RAB7A: variants seen among roughly 807,000 people sequenced by gnomAD.
RAB7A encodes RAB7A, member RAS oncogene family.
A neutral mutation model predicts 24.5 loss-of-function variants in RAB7A; 2 were observed. The observed-to-expected ratio is 0.08, with a 90% CI of 0.03 to 0.26. The LOEUF is 0.26. Ranked by LOEUF, RAB7A falls within the 10% of genes least tolerant of loss-of-function variation. The pLI is 1.00. For synonymous variants in RAB7A, 100 were observed against 95.9 expected (o/e 1.04, Z -0.25); for missense variants, 118 against 255.7 (o/e 0.46, Z 3.67).
chr3:128,760,557 G>C (rs1156776815), intron 1 of RAB7A, among the ~76,000 whole-genome samples: 2 of 152,186 alleles, frequency 1.3e-5, no homozygotes, highest in African/African-American at 4.8e-5. Flanking sequence ...GCTGGTTTGT[G>C]AGTACCCCTT....
intron 1 of RAB7A, among the ~76,000 whole-genome samples, chr3:128,763,208 A>ATATATATATATATTTTTTT (rs373993932): frequency 2.6e-5 from 2 of 76,108 alleles, no homozygotes; most frequent in African/African-American, 8.2e-5. Flanking sequence ...ATATATATAT[A>ATATATATATATATTTTTTT]TTTTTTTTTT....
chr3:128,791,579 A>T (rs1933453219), intron 1 of RAB7A, among the ~76,000 whole-genome samples: 1 of 152,218 alleles, frequency 6.6e-6, no homozygotes. Context: ...GATAAGGCAG[A>T]ACATAACATT....
At position 128,807,398 on chromosome 3, in the gene RAB7A, G is replaced by A. The variant is rs111829798; in HGVS notation, c.400-145G>A. On this transcript the variant is annotated intron_variant, in intron 4 of 5. Transcript: ENST00000265062. ...AGGACAAGTTTGGACGGGTCTGCAG[G>A]TCTCCTCCAACACCCTCTTTCCCCA... 8.2e-6 allele frequency: 10 copies of A among 1,215,682 alleles called. No individual in the cohort carries two copies. The African/African-American group carries it at 8.9e-5, about 11-fold the overall frequency. 75.3% of individuals were successfully genotyped at this position (1,215,682 alleles called of 1,614,324 possible). A position where few individuals can be genotyped will look rare whatever the true frequency, so the allele number is the denominator to read the frequency against.
At chr3:128,811,571 C>T (rs924473199) in intron 5 of RAB7A, among the ~76,000 whole-genome samples, 4 of 152,146 alleles carry the variant, frequency 2.6e-5, no homozygotes, top group East Asian at 1.9e-4. Context: ...ATGTCCAGCC[C>T]GGATGCAGTG....
intron 1 of RAB7A, among the ~76,000 whole-genome samples, chr3:128,771,658 AACTTTT>A (rs1932936775): frequency 6.6e-6 from 1 of 152,250 alleles, no homozygotes; most frequent in Admixed American, 6.5e-5. Flanking sequence ...CAGATAACTG[AACTTTT>A]ACTTGTACAG....
intron 1 of RAB7A, chr3:128,764,360 T>A: frequency 1.6e-6 from 1 of 628,444 alleles, no homozygotes; most frequent in Non-Finnish European, 2.9e-6. Context: ...CTTAAGTGGA[T>A]GTTTTGGCAC....
chr3:128,745,845 C>G (rs955414926), intron 1 of RAB7A, among the ~76,000 whole-genome samples: 1 of 152,220 alleles, frequency 6.6e-6, no homozygotes, highest in Non-Finnish European at 1.5e-5. Flanking sequence ...GAATCCCATG[C>G]AGAGACTTTG....
intron 1 of RAB7A, among the ~76,000 whole-genome samples, chr3:128,773,939 A>G (rs1933016981): frequency 6.6e-6 from 1 of 151,618 alleles, no homozygotes; most frequent in African/African-American, 2.4e-5. Context: ...GGACACAAAC[A>G]CTGCGGAAGG....
chr3:128,783,348 T>TG (rs1301000712), intron 1 of RAB7A, among the ~76,000 whole-genome samples: 1 of 151,960 alleles, frequency 6.6e-6, no homozygotes, highest in Non-Finnish European at 1.5e-5. Flanking sequence ...CAGGTGCTCT[T>TG]GCGTTTGAGG....
intron 1 of RAB7A, among the ~76,000 whole-genome samples, chr3:128,784,418 G>T (rs1281969886): frequency 1.3e-5 from 2 of 152,100 alleles, no homozygotes; most frequent in Non-Finnish European, 2.9e-5. Flanking sequence ...CACTGGTCTA[G>T]TGCAGTCCTC....
chr3:128,811,819 A>T (rs572519094), intron 5 of RAB7A, among the ~76,000 whole-genome samples: 108 of 152,048 alleles, frequency 7.1e-4, no homozygotes, highest in Admixed American at 1.5e-3. Context: ...ATTGCACTCC[A>T]GCCTGGGCGA....
chr3:128,773,103 A>C (rs1177017631), intron 1 of RAB7A, among the ~76,000 whole-genome samples: 1 of 150,420 alleles, frequency 6.6e-6, no homozygotes, highest in Non-Finnish European at 1.5e-5. Flanking sequence ...CTGGGAAGTG[A>C]GGAGCGCCTC....
At chr3:128,736,047 C>T (rs1321747972) in intron 1 of RAB7A, among the ~76,000 whole-genome samples, 1 of 152,212 alleles carries the variant, frequency 6.6e-6, no homozygotes, top group Non-Finnish European at 1.5e-5. Context: ...CCTTTTCCCT[C>T]CCAGCAGGAA....
At chr3:128,781,534 G>A (rs1416064439) in intron 1 of RAB7A, among the ~76,000 whole-genome samples, 1 of 152,026 alleles carries the variant, frequency 6.6e-6, no homozygotes, top group Non-Finnish European at 1.5e-5. Flanking sequence ...AGAAAAGCTG[G>A]GCATGGTGGC....
At chr3:128,799,477 A>G (rs550413793) in intron 3 of RAB7A, among the ~76,000 whole-genome samples, 1 of 152,290 alleles carries the variant, frequency 6.6e-6, no homozygotes, top group Non-Finnish European at 1.5e-5. Flanking sequence ...GTACCTGGCA[A>G]ATAGTGGGGG....
chr3:128,732,660 C>G (rs554967971), intron 1 of RAB7A, among the ~76,000 whole-genome samples: 81 of 152,084 alleles, frequency 5.3e-4, no homozygotes, highest in Admixed American at 7.9e-4. Context: ...AAGACTCCAT[C>G]TCTACAAAGA....
chr3:128,812,303 C>G (rs113813251), intron 5 of RAB7A, among the ~76,000 whole-genome samples: 1 of 152,112 alleles, frequency 6.6e-6, no homozygotes, highest in East Asian at 1.9e-4. Flanking sequence ...TTAGTAGAGA[C>G]GGGGTTTCAC....
chr3:128,748,422 C>A (rs559639960), intron 1 of RAB7A: 3 of 152,264 alleles, frequency 2.0e-5, no homozygotes, highest in Non-Finnish European at 2.9e-5. Context: ...AGCTTAGACT[C>A]CTCCTCTTTG....
chr3:128,752,409 TAAAAA>T (rs973166973), intron 1 of RAB7A, among the ~76,000 whole-genome samples: 6 of 129,626 alleles, frequency 4.6e-5, no homozygotes, highest in Non-Finnish European at 1.0e-4. Flanking sequence ...GATGAGAAAA[TAAAAA>T]GAAAAAATAA....
Sources: allele counts gnomAD v4.1 joint callset (sites outside exome capture counted in the v4.1 genomes callset), GRCh38; gene constraint gnomAD v4.1.1; transcripts MANE v1.5; gene names NCBI Gene and HGNC (gene_info 2026-07-23, HGNC 2026-07-21).